HPD: variants seen among roughly 807,000 people sequenced by gnomAD.
HPD encodes 4-hydroxyphenylpyruvate dioxygenase.
In HPD, 35 loss-of-function variants were observed where a neutral mutation model predicts 56.9. The observed-to-expected ratio is 0.62, with a 90% CI of 0.47 to 0.82. The LOEUF (loss-of-function observed/expected upper bound fraction) is 0.82. HPD is among the 40% of genes least tolerant of loss of function. HPD has a pLI of 0.00. For synonymous variants in HPD, 186 were observed against 200.2 expected (o/e 0.93, Z 0.60); for missense variants, 442 against 506.8 (o/e 0.87, Z 1.23).
chr12:121,859,009 A>G (rs1878106048), upstream of HPD: 1 of 667,454 alleles, frequency 1.5e-6, no homozygotes, highest in Non-Finnish European at 2.7e-6. Context: ...CTCATTGAAC[A>G]GGATGGTGTT....
In HPD at chr12:121,857,390, C is replaced by G. The variant is rs1365380035; in HGVS notation, c.136G>C (p.Ala46Pro). Residue 46 changes from alanine (A) to proline (P), a missense_variant, in exon 4 of 14, where the codon GCC becomes CCC. By Grantham distance (27) the Ala-to-Pro change is conservative. Transcript: ENST00000289004. ...GAACCGGTCTCCAGGCCCCTGTAGG[C>G]TAGAGGTTCAAAGCCCATCTTGCTG... ...YCSKMGFEPL[A>P]YRGLETGSRE... The G allele has an allele frequency of 6.2e-7, 1 of 1,614,004 alleles. No individual in the cohort carries two copies. Among genetic ancestry groups the G allele is most frequent in the Non-Finnish European group, 8.5e-7 (1 of 1,179,984 alleles).
At chr12:121,865,091 A>C (rs879921850), upstream of HPD, among the ~76,000 whole-genome samples, 1 of 151,934 alleles carries the variant, frequency 6.6e-6, no homozygotes, top group Non-Finnish European at 1.5e-5. Flanking sequence ...AACATGGTGA[A>C]ACCCCGTCTC....
chr12:121,877,981 A>G, the HPD span, among the ~76,000 whole-genome samples: 4 of 152,190 alleles, frequency 2.6e-5, no homozygotes, highest in African/African-American at 9.7e-5. Context: ...AGGTAAATCC[A>G]CAGACCCACA....
At chr12:121,850,401 T>G (rs1021101846) in intron 7 of HPD, among the ~76,000 whole-genome samples, 2 of 144,048 alleles carry the variant, frequency 1.4e-5, no homozygotes, top group Non-Finnish European at 3.0e-5. Context: ...CACTCCAGCC[T>G]GGGCGACAGA....
chr12:121,859,132 GA>G (rs1383567621), upstream of HPD: 1 of 462,946 alleles, frequency 2.2e-6, no homozygotes, highest in African/African-American at 2.0e-5. Context: ...TTACTGCCCA[GA>G]ATCCAAAGCT....
intron 11 of HPD, among the ~76,000 whole-genome samples, chr12:121,846,366 G>A (rs1209040842): frequency 1.3e-5 from 2 of 152,058 alleles, no homozygotes; most frequent in African/African-American, 2.4e-5. Context: ...ACAGGTGCCC[G>A]CAACCACGCC....
At chr12:121,864,179 G>C (rs1878260067), upstream of HPD, among the ~76,000 whole-genome samples, 1 of 151,798 alleles carries the variant, frequency 6.6e-6, no homozygotes, top group Non-Finnish European at 1.5e-5. Flanking sequence ...CCGGGAGGCA[G>C]GGTTCATTGA....
chr12:121,848,888 G>T (rs1877671452), intron 9 of HPD, 111 bp downstream of exon 9: 2 of 871,198 alleles, frequency 2.3e-6, no homozygotes, highest in African/African-American at 3.3e-5. Context: ...TTACGGGTGT[G>T]AGCCACTGCA....
At chr12:121,857,884 G>C (rs1430533601) in intron 2 of HPD, 65 bp from the exon 3 acceptor site, 1 of 1,257,880 alleles carries the variant, frequency 7.9e-7, no homozygotes, top group Non-Finnish European at 1.2e-6. Context: ...TGCGGGTGGA[G>C]TGATGTCCCC....
chr12:121,846,614 C>T (rs1877592003), intron 11 of HPD, among the ~76,000 whole-genome samples: 1 of 152,204 alleles, frequency 6.6e-6, no homozygotes, highest in Non-Finnish European at 1.5e-5. Flanking sequence ...CCGGGACCAT[C>T]ACCCAGGCTT....
In HPD at chr12:121,854,598, C is replaced by A. The variant is rs3741587; in HGVS notation, c.414+105G>T. On this transcript the variant is annotated intron_variant, in intron 7 of 13. Coordinates refer to ENST00000289004, the MANE Select transcript of HPD (RefSeq NM_002150.3). Reference sequence around the variant, plus strand: ...ACAGACTTGAGGGACAATGTCTGTGCTCCAAGGCCCATGGGTGGGATGGTT... The same window carrying A: ...ACAGACTTGAGGGACAATGTCTGTGATCCAAGGCCCATGGGTGGGATGGTT... The A allele has an allele frequency of 2.0e-3, 1,656 of 843,572 alleles. 30 individuals carry two copies. The East Asian group carries it at 0.037, about 19-fold the overall frequency. 52.3% of individuals were successfully genotyped at this position (843,572 alleles called of 1,614,324 possible). A position where few individuals can be genotyped will look rare whatever the true frequency, so the allele number is the denominator to read the frequency against.
the HPD span, among the ~76,000 whole-genome samples, chr12:121,876,729 C>T: frequency 6.6e-6 from 1 of 152,062 alleles, no homozygotes; most frequent in Non-Finnish European, 1.5e-5. Flanking sequence ...CTCTGATTTG[C>T]TGAATTGCCT....
the HPD span, among the ~76,000 whole-genome samples, chr12:121,881,200 G>C: frequency 2.0e-5 from 3 of 152,168 alleles, no homozygotes; most frequent in East Asian, 3.8e-4. Context: ...ATTCTATGGG[G>C]GAGTTGACTT....
chr12:121,857,290 G>T (rs1878036393), intron 4 of HPD, 38 bp downstream of exon 4: 2 of 1,340,012 alleles, frequency 1.5e-6, no homozygotes, highest in Non-Finnish European at 2.2e-6. Flanking sequence ...ATGTTGGCCA[G>T]GCAGGGGTTG....
the HPD span, among the ~76,000 whole-genome samples, chr12:121,884,605 ATC>A: frequency 0.58 from 87,969 of 150,862 alleles, 26,656 homozygotes; most frequent in African/African-American, 0.74. Flanking sequence ...CTGCACCTGT[ATC>A]TCTCTCTCTC....
At chr12:121,882,632 C>T in the HPD span, among the ~76,000 whole-genome samples, 4 of 152,204 alleles carry the variant, frequency 2.6e-5, no homozygotes, top group Non-Finnish European at 5.9e-5. Context: ...GGTAAACATG[C>T]ATTTACAATA....
In HPD at chr12:121,849,045, T is replaced by C. The variant is rs767560456; in HGVS notation, c.550A>G (p.Ile184Val). Residue 184 changes from isoleucine to valine, a missense_variant, in exon 9 of 14, where the codon ATT becomes GTT. By Grantham distance (29) the Ile-to-Val change is conservative. Transcript: ENST00000289004. ...TCCTGATCAGGCTGGTTTCCCACAA[T>C]GTGGTCGATCATCTCCAGACTGCAT... ...PKCSLEMIDHIVGNQPDQEMV... is the reference protein window; with the variant it reads ...PKCSLEMIDHVVGNQPDQEMV... The C allele has an allele frequency of 6.2e-6, 10 of 1,613,808 alleles. No individual in the cohort carries two copies. The East Asian group carries it at 1.6e-4, about 25-fold the overall frequency.
chr12:121,874,942 G>T, the HPD span, among the ~76,000 whole-genome samples: 1 of 151,948 alleles, frequency 6.6e-6, no homozygotes, highest in Admixed American at 6.6e-5. Context: ...TGTGTTTTTA[G>T]TAGAGAGGGG....
chr12:121,845,201 C>G (rs1877538367), intron 11 of HPD, among the ~76,000 whole-genome samples: 1 of 149,776 alleles, frequency 6.7e-6, no homozygotes, highest in African/African-American at 2.5e-5. Context: ...GCAGCCTCAA[C>G]CTCCCCAGGC....
Sources: gnomAD v4.1 joint callset for allele counts (sites outside exome capture counted in the v4.1 genomes callset) on GRCh38, gnomAD v4.1.1 for gene constraint, MANE v1.5 for transcripts, NCBI Gene and HGNC (gene_info 2026-07-23, HGNC 2026-07-21) for gene names.